Variants in KYNU observed in about 807,000 individuals in gnomAD.
KYNU encodes L-kynurenine hydrolase.
Under a neutral mutation model 59.2 loss-of-function variants are expected in KYNU, and 54 were observed. That is an observed-to-expected ratio of 0.91 (90% CI 0.73 to 1.14). The LOEUF (loss-of-function observed/expected upper bound fraction) is 1.14, where lower values mean the gene tolerates loss of function less well. Ranked by LOEUF, KYNU falls within the 50% of genes most tolerant of loss-of-function variation. The probability of loss-of-function intolerance (pLI) is 0.00; values close to 1 mark genes in which losing one functional copy is unlikely to be tolerated. For missense variants in KYNU, 567 were observed against 554.4 expected (o/e 1.02, Z -0.23); for synonymous variants, 177 against 192.0 (o/e 0.92, Z 0.65).
intron 2 of KYNU, among the ~76,000 whole-genome samples, chr2:142,917,609 T>C (rs1211450219): frequency 6.6e-6 from 1 of 152,188 alleles, no homozygotes; most frequent in African/African-American, 2.4e-5. Flanking sequence ...GCTGACATGA[T>C]AACCTTGAGG....
chr2:142,986,916 G>A (rs1223089924), intron 10 of KYNU, among the ~76,000 whole-genome samples: 1 of 151,788 alleles, frequency 6.6e-6, no homozygotes, highest in Admixed American at 6.6e-5. Flanking sequence ...CTGAAGTTCT[G>A]TGCATATAAA....
chr2:142,945,744 A>AT (rs1683753226), intron 4 of KYNU, among the ~76,000 whole-genome samples: 1 of 105,264 alleles, frequency 9.5e-6, no homozygotes, highest in African/African-American at 4.6e-5. Context: ...AATTGTATTT[A>AT]ATTTTTTTTT....
At chr2:142,974,990 A>G (rs903111613) in intron 8 of KYNU, among the ~76,000 whole-genome samples, 7 of 152,200 alleles carry the variant, frequency 4.6e-5, no homozygotes, top group Non-Finnish European at 7.3e-5. Context: ...AGTGGGTAAT[A>G]AAATTCTAAT....
In KYNU at chr2:142,938,425, G is replaced by A. The variant is rs1683466700; in HGVS notation, c.373+10684G>A. Among the ~76,000 whole-genome samples the A allele has an allele frequency of 2.0e-5, 3 of 152,186 alleles. 1 individual carries two copies. In the South Asian group the frequency reaches 6.2e-4, roughly 32 times the overall value. On this transcript the variant is annotated intron_variant, in intron 4 of 13. Coordinates refer to ENST00000264170, the MANE Select transcript of KYNU (RefSeq NM_003937.3). ...GAAGAAGATTTATGGACAGAAAAAG[G>A]AAAGTGACATACAGAGAAGGGAAGT...
rs1239118134 is a variant in KYNU at position 143,042,818 on chromosome 2, G to C, written c.*646G>C. On this transcript the variant is annotated 3_prime_UTR_variant, in exon 14 of 14. Transcript: ENST00000264170. ...TTATCATATTTTAACATCTTTGAAA[G>C]AGGACCCATCTTTCAATTTTCGATC... 6.6e-6 allele frequency: 1 copy of C among 151,472 alleles called. No individual in the cohort carries two copies. Among genetic ancestry groups the C allele is most frequent in the Non-Finnish European group, 1.5e-5 (1 of 67,822 alleles). 9.4% of individuals were successfully genotyped at this position (151,472 alleles called of 1,614,324 possible). A position where few individuals can be genotyped will look rare whatever the true frequency, so the allele number is the denominator to read the frequency against.
intron 10 of KYNU, among the ~76,000 whole-genome samples, chr2:143,004,461 A>G (rs1407848796): frequency 6.6e-6 from 1 of 152,196 alleles, no homozygotes; most frequent in African/African-American, 2.4e-5. Context: ...CTGTATTCCC[A>G]GCACTTTGGG....
Position 143,051,322 on chromosome 2 carries a change from A to T in KYNU, c.*9150A>T, listed in dbSNP as rs1263852291. On this transcript the variant is annotated 3_prime_UTR_variant, in exon 14 of 14. Coordinates refer to ENST00000264170, the MANE Select transcript of KYNU (RefSeq NM_003937.3). ...CAAACTTGTTATTTATTTATCTAAGACTATACAGTTCTTTTCAGAGAAAAA... is the reference window on the plus strand; with the variant it reads ...CAAACTTGTTATTTATTTATCTAAGTCTATACAGTTCTTTTCAGAGAAAAA... 1 of 152,194 alleles carries T rather than the reference A, an allele frequency of 6.6e-6. No individual in the cohort carries two copies. The highest frequency in any genetic ancestry group is 6.5e-5 in the Admixed American group (1 of 15,276). 9.4% of individuals were successfully genotyped at this position (152,194 alleles called of 1,614,324 possible).
chr2:142,986,114 C>G, intron 10 of KYNU, 93 bp downstream of exon 10: 1 of 844,288 alleles, frequency 1.2e-6, no homozygotes, highest in South Asian at 1.4e-5. Flanking sequence ...AAGATGCTAT[C>G]CAATAGGAAT....
At chr2:142,974,483 A>G (rs1019396338) in intron 8 of KYNU, among the ~76,000 whole-genome samples, 1 of 152,128 alleles carries the variant, frequency 6.6e-6, no homozygotes, top group Non-Finnish European at 1.5e-5. Context: ...GGCCTAGTAA[A>G]TTGAGGTCCC....
At chr2:142,949,141 G>A (rs1382171693) in intron 4 of KYNU, among the ~76,000 whole-genome samples, 1 of 152,232 alleles carries the variant, frequency 6.6e-6, no homozygotes, top group Non-Finnish European at 1.5e-5. Context: ...GGGTTCCCAT[G>A]TGGTCTTGGG....
Position 142,982,083 on chromosome 2 carries a change from A to G in KYNU, c.730-3001A>G, listed in dbSNP as rs575871912. Reference sequence around the variant, plus strand: ...GGTTCTTTTTTTCTTAGGAAGTGTTAGAACACTTCTAAAATTTATTTAAGT... The same window carrying G: ...GGTTCTTTTTTTCTTAGGAAGTGTTGGAACACTTCTAAAATTTATTTAAGT... On this transcript the variant is annotated intron_variant, in intron 8 of 13. Coordinates refer to ENST00000264170, the MANE Select transcript of KYNU (RefSeq NM_003937.3). Among the ~76,000 whole-genome samples the G allele has an allele frequency of 3.9e-5, 6 of 152,264 alleles. No homozygotes were observed. The South Asian group carries it at 1.0e-3, about 26-fold the overall frequency.
In KYNU at chr2:143,032,772, G is replaced by A. The variant is rs140174022; in HGVS notation, c.956-464G>A. Among the ~76,000 whole-genome samples, 162 of 95,522 alleles carry A rather than the reference G, an allele frequency of 1.7e-3. 2 individuals are homozygous for A. Among genetic ancestry groups the A allele is most frequent in the African/African-American group, 5.1e-3 (153 of 30,136 alleles). The allele number at this position is 95,522 out of a possible 152,430, so 62.7% of individuals were successfully genotyped here. The stretch of plus-strand genomic sequence containing the variant: ...GTGTGTTCTGTAAGAGAAACCACTT[G>A]ACCTAACAATCCTAGAGCTAAAAGT... On this transcript the variant is annotated intron_variant, in intron 11 of 13. Coordinates refer to ENST00000264170, the MANE Select transcript of KYNU (RefSeq NM_003937.3).
At chr2:142,879,237 G>A (rs1203329067) in intron 1 of KYNU, among the ~76,000 whole-genome samples, 1 of 152,126 alleles carries the variant, frequency 6.6e-6, no homozygotes, top group Non-Finnish European at 1.5e-5. Flanking sequence ...TGCTATTCTG[G>A]GAACTAAAGA....
Position 143,054,802 on chromosome 2 carries a change from G to C in KYNU, c.*12630G>C, listed in dbSNP as rs1687326358. On this transcript the variant is annotated 3_prime_UTR_variant, in exon 14 of 14. Coordinates refer to ENST00000264170, the MANE Select transcript of KYNU (RefSeq NM_003937.3). ...TGTCAGTGGCATGAATACAATAGGA[G>C]GCAGGTAGGGAGAAGGCACTACCCT... The C allele has an allele frequency of 6.6e-6, 1 of 151,150 alleles. No individual in the cohort carries two copies. The highest frequency in any genetic ancestry group is 2.1e-4 in the South Asian group (1 of 4,830). The allele number at this position is 151,150 out of a possible 1,614,324, so 9.4% of individuals were successfully genotyped here. A position where few individuals can be genotyped will look rare whatever the true frequency, so the allele number is the denominator to read the frequency against.
At chr2:142,883,265 C>T (rs1681369788) in intron 1 of KYNU, among the ~76,000 whole-genome samples, 1 of 143,256 alleles carries the variant, frequency 7.0e-6, no homozygotes, top group South Asian at 2.2e-4. Flanking sequence ...GCAACCTCGG[C>T]TCACTGCAGG....
chr2:142,944,519 A>T (rs12998182), intron 4 of KYNU, among the ~76,000 whole-genome samples: 2 of 152,186 alleles, frequency 1.3e-5, no homozygotes, highest in South Asian at 4.1e-4. Flanking sequence ...GATAAAGTAA[A>T]GATCCTTTCA....
chr2:142,891,185 CATTTT>C (rs1399428671), intron 2 of KYNU, among the ~76,000 whole-genome samples: 1 of 152,068 alleles, frequency 6.6e-6, no homozygotes, highest in East Asian at 1.9e-4. Context: ...AAAATTCATC[CATTTT>C]AAGTATACAA....
intron 8 of KYNU, among the ~76,000 whole-genome samples, chr2:142,964,475 C>G (rs1440715796): frequency 6.6e-6 from 1 of 152,122 alleles, no homozygotes; most frequent in African/African-American, 2.4e-5. Context: ...TTTAGCTGTT[C>G]TAAGTAGTTT....
chr2:142,928,478 T>G (rs1683109118), intron 4 of KYNU, among the ~76,000 whole-genome samples: 1 of 152,196 alleles, frequency 6.6e-6, no homozygotes, highest in South Asian at 2.1e-4. Context: ...GCTTATTCTC[T>G]TATAAGCAAA....
Sources: gnomAD v4.1 joint callset for allele counts (sites outside exome capture counted in the v4.1 genomes callset) on GRCh38, gnomAD v4.1.1 for gene constraint, MANE v1.5 for transcripts, NCBI Gene and HGNC (gene_info 2026-07-23, HGNC 2026-07-21) for gene names.